CAB39: variants seen among roughly 807,000 people sequenced by gnomAD.
CAB39 encodes calcium binding protein 39, also known as calcium-binding protein 39.
In CAB39, 8 loss-of-function variants were observed where a neutral mutation model predicts 40.0. The observed-to-expected ratio is 0.20, with a 90% CI of 0.12 to 0.36. The LOEUF is 0.36. CAB39 is among the 10% of genes least tolerant of loss of function. The pLI is 1.00. For synonymous variants in CAB39, 156 were observed against 141.6 expected (o/e 1.10, Z -0.72); for missense variants, 270 against 401.1 (o/e 0.67, Z 2.79).
chr2:230,810,388 T>TA (rs2124980482), intron 6 of CAB39, 66 bp downstream of exon 6: 2 of 614,368 alleles, frequency 3.3e-6, no homozygotes, highest in Admixed American at 3.4e-5. Flanking sequence ...ATGAAAGACT[T>TA]ACATTAGGTT....
intron 7 of CAB39, among the ~76,000 whole-genome samples, chr2:230,815,344 G>T (rs114272369): frequency 6.6e-6 from 1 of 152,302 alleles, no homozygotes; most frequent in East Asian, 1.9e-4. Context: ...TTCATCTTTG[G>T]GGGGTTGGAC....
intron 1 of CAB39, among the ~76,000 whole-genome samples, chr2:230,735,294 G>A (rs1694767065): frequency 6.6e-6 from 1 of 151,612 alleles, no homozygotes; most frequent in Admixed American, 6.6e-5. Flanking sequence ...AGCCTCCTGA[G>A]CAGCTGGGAT....
chr2:230,804,503 A>G (rs961526967), intron 5 of CAB39, among the ~76,000 whole-genome samples: 1 of 152,238 alleles, frequency 6.6e-6, no homozygotes, highest in African/African-American at 2.4e-5. Context: ...CCATCTGACA[A>G]AGGGCTAATA....
chr2:230,756,386 T>C (rs771436142), intron 1 of CAB39, among the ~76,000 whole-genome samples: 15 of 152,232 alleles, frequency 9.9e-5, no homozygotes, highest in Admixed American at 6.5e-5. Context: ...TCAGCTGTTA[T>C]GGGACCACTG....
At chr2:230,728,490 C>T (rs1388416230) in intron 1 of CAB39, among the ~76,000 whole-genome samples, 1 of 151,832 alleles carries the variant, frequency 6.6e-6, no homozygotes, top group African/African-American at 2.4e-5. Flanking sequence ...TTGTAGAAAT[C>T]GTGTTTTGCC....
intron 1 of CAB39, among the ~76,000 whole-genome samples, chr2:230,718,124 A>G (rs1450077476): frequency 1.3e-5 from 2 of 152,190 alleles, no homozygotes; most frequent in Non-Finnish European, 2.9e-5. Context: ...TTGTTTTTAT[A>G]TGGTAATTAT....
intron 2 of CAB39, among the ~76,000 whole-genome samples, chr2:230,773,314 A>ATG (rs71052549): frequency 0.039 from 5,134 of 132,572 alleles, 98 homozygotes; most frequent in Middle Eastern, 0.072. Context: ...ATATATATAT[A>ATG]TGTGTGTGTG....
intron 6 of CAB39, among the ~76,000 whole-genome samples, chr2:230,813,705 G>T (rs1230298167): frequency 6.6e-6 from 1 of 152,118 alleles, no homozygotes. Context: ...GCAAAAGTGT[G>T]AGGGGTATGG....
intron 1 of CAB39, among the ~76,000 whole-genome samples, chr2:230,726,123 C>G: frequency 6.6e-6 from 1 of 151,974 alleles, no homozygotes; most frequent in Non-Finnish European, 1.5e-5. Context: ...GGAATATTTT[C>G]TAGGACTTGA....
chr2:230,760,027 A>T lies in CAB39; in HGVS notation c.26A>T (p.His9Leu). ...ATGCCGTTCCCGTTTGGGAAGTCTC[A>T]CAAATCTCCAGCAGACATTGTGAAG... MPFPFGKS[H>L]KSPADIVKNL... is the part of the protein sequence containing the mutation. Residue 9 changes from histidine to leucine, a missense_variant, in exon 2 of 9, where the codon CAC (histidine) becomes CTC (leucine). By Grantham distance (99) the His-to-Leu change is moderately conservative. Transcript: ENST00000258418. The T allele has an allele frequency of 6.2e-7, 1 of 1,613,324 alleles. No individual in the cohort carries two copies. The highest frequency in any genetic ancestry group is 8.5e-7 in the Non-Finnish European group (1 of 1,179,300).
In CAB39 at chr2:230,725,362, G is replaced by C. The variant is rs573364569; in HGVS notation, c.-44+12132G>C. ...GGCTCCCCACTGGCTTCTCCCCCATGGGCTCTGCCACGAAGTCTCGGTGCT... is the reference window on the plus strand; with the variant it reads ...GGCTCCCCACTGGCTTCTCCCCCATCGGCTCTGCCACGAAGTCTCGGTGCT... On this transcript the variant is annotated intron_variant, in intron 1 of 8. Coordinates refer to ENST00000258418, the MANE Select transcript of CAB39 (RefSeq NM_016289.4). 1.9e-6 allele frequency: 3 copies of C among 1,597,158 alleles called. No individual in the cohort carries two copies. The East Asian group carries it at 6.7e-5, about 36-fold the overall frequency.
intron 2 of CAB39, among the ~76,000 whole-genome samples, chr2:230,775,529 T>C (rs1695570844): frequency 6.6e-6 from 1 of 152,298 alleles, no homozygotes; most frequent in South Asian, 2.1e-4. Flanking sequence ...CCACCACACC[T>C]GGCCTCTTTG....
chr2:230,734,395 G>A (rs567738836), intron 1 of CAB39, among the ~76,000 whole-genome samples: 1 of 152,142 alleles, frequency 6.6e-6, no homozygotes, highest in South Asian at 2.1e-4. Context: ...CCTGTTCAGT[G>A]TCTAGCTTGC....
chr2:230,797,114 G>C (rs768509203), intron 4 of CAB39, among the ~76,000 whole-genome samples: 1 of 152,214 alleles, frequency 6.6e-6, no homozygotes, highest in Non-Finnish European at 1.5e-5. Flanking sequence ...GAACAAAGGT[G>C]CTGGCTAGGA....
chr2:230,805,402 A>T (rs1190759311), intron 5 of CAB39, among the ~76,000 whole-genome samples: 1 of 150,018 alleles, frequency 6.7e-6, no homozygotes, highest in Non-Finnish European at 1.5e-5. Flanking sequence ...AGTATAATTA[A>T]AAAAAAAATA....
chr2:230,735,239 T>C (rs988132674), intron 1 of CAB39, among the ~76,000 whole-genome samples: 1 of 151,888 alleles, frequency 6.6e-6, no homozygotes, highest in African/African-American at 2.4e-5. Context: ...CAGTCTCGGC[T>C]CACTGCAACC....
intron 2 of CAB39, among the ~76,000 whole-genome samples, chr2:230,768,583 G>C (rs970706833): frequency 6.6e-6 from 1 of 152,170 alleles, no homozygotes; most frequent in African/African-American, 2.4e-5. Flanking sequence ...GAATTAAAGG[G>C]TTTAATTAGC....
At position 230,820,561 on chromosome 2, in the gene CAB39, TG is replaced by T. The variant is rs372180332; in HGVS notation, c.*1859del. On this transcript the variant is annotated 3_prime_UTR_variant, in exon 9 of 9. Coordinates refer to ENST00000258418, the MANE Select transcript of CAB39 (RefSeq NM_016289.4). ...GCTTTGTGGTGTAGTGCTGTGTGTA[TG>T]GAGTTAGTGTAAAAACATGGATTAC... The T allele has an allele frequency of 2.5e-4, 38 of 152,482 alleles. No individual in the cohort carries two copies. Among genetic ancestry groups the T allele is most frequent in the African/African-American group, 8.7e-4 (36 of 41,552 alleles). The allele number at this position is 152,482 out of a possible 1,614,324, so 9.4% of individuals were successfully genotyped here. A position where few individuals can be genotyped will look rare whatever the true frequency, so the allele number is the denominator to read the frequency against.
intron 2 of CAB39, among the ~76,000 whole-genome samples, chr2:230,786,939 G>C (rs958267033): frequency 6.6e-6 from 1 of 152,188 alleles, no homozygotes; most frequent in Non-Finnish European, 1.5e-5. Context: ...ACTACCATCA[G>C]ATCTCCAAGG....
Sources: gnomAD v4.1 joint callset for allele counts (sites outside exome capture counted in the v4.1 genomes callset) on GRCh38, gnomAD v4.1.1 for gene constraint, MANE v1.5 for transcripts, NCBI Gene and HGNC (gene_info 2026-07-23, HGNC 2026-07-21) for gene names.